Variants in MAGI1 observed in about 807,000 individuals in gnomAD.
MAGI1 encodes membrane-associated guanylate kinase, WW and PDZ domain-containing protein 1.
Under a neutral mutation model 139.9 loss-of-function variants are expected in MAGI1, and 58 were observed. The observed-to-expected ratio is 0.41, with a 90% CI of 0.34 to 0.52. The LOEUF (loss-of-function observed/expected upper bound fraction) is 0.52. MAGI1 is among the 20% of genes least tolerant of loss of function. MAGI1 has a pLI of 0.12. For synonymous variants in MAGI1, 812 were observed against 737.9 expected (o/e 1.10, Z -1.63); for missense variants, 1,874 against 1,901.6 (o/e 0.99, Z 0.27).
At chr3:65,555,885 G>A (rs1020215053) in intron 2 of MAGI1, among the ~76,000 whole-genome samples, 3 of 152,042 alleles carry the variant, frequency 2.0e-5, no homozygotes, top group East Asian at 1.9e-4. Flanking sequence ...AACCAAACAC[G>A]CTTGATACAG....
intron 2 of MAGI1, chr3:65,620,090 G>A: frequency 1.7e-6 from 1 of 574,842 alleles, no homozygotes; most frequent in Non-Finnish European, 2.2e-6. Context: ...ATAAATGGGA[G>A]AGCATGCCAA....
intron 1 of MAGI1, among the ~76,000 whole-genome samples, chr3:65,915,891 T>C (rs865782681): frequency 1.3e-5 from 2 of 152,004 alleles, no homozygotes; most frequent in African/African-American, 2.4e-5. Flanking sequence ...CTTTGATTTA[T>C]GTTGAAAAAG....
chr3:65,579,428 C>T (rs898496129), intron 2 of MAGI1, among the ~76,000 whole-genome samples: 1 of 152,214 alleles, frequency 6.6e-6, no homozygotes, highest in Non-Finnish European at 1.5e-5. Flanking sequence ...CTACCAGATA[C>T]ACCACACTAC....
At position 65,891,910 on chromosome 3, in the gene MAGI1, A is replaced by G. The variant is rs1227021292; in HGVS notation, c.313+146086T>C. On this transcript the variant is annotated intron_variant, in intron 1 of 22. Transcript: ENST00000402939. ...AATATATATATATATATATATATAT[A>G]TATATATATATATATATATATATAT... is the stretch of plus-strand genomic sequence containing the variant. Among the ~76,000 whole-genome samples the G allele has an allele frequency of 8.5e-5, 7 of 82,578 alleles. No individual in the cohort carries two copies. In the East Asian group the frequency reaches 1.6e-3, roughly 18 times the overall value. 54.2% of individuals were successfully genotyped at this position (82,578 alleles called of 152,430 possible). A position where few individuals can be genotyped will look rare whatever the true frequency, so the allele number is the denominator to read the frequency against.
In MAGI1 at chr3:66,038,209, C is replaced by G. The variant is rs1330277658; in HGVS notation, c.100G>C (p.Gly34Arg). Residue 34 changes from glycine to arginine, a missense_variant, in exon 1 of 23, where the codon GGA (glycine) becomes CGA (arginine). Coordinates refer to ENST00000402939, the MANE Select transcript of MAGI1 (RefSeq NM_001033057.2). ...PQGELGVTVL[G>R]GAEHGEFPYV... ...GGAAACTCCCCGTGCTCCGCGCCTC[C>G]CAGCACCGTCACCCCCAGCTCGCCC... 1 of 1,612,232 alleles carries G rather than the reference C, an allele frequency of 6.2e-7. No homozygotes were observed. The highest frequency in any genetic ancestry group is 8.5e-7 in the Non-Finnish European group (1 of 1,179,684).
intron 14 of MAGI1, among the ~76,000 whole-genome samples, chr3:65,388,066 A>G (rs1943592612): frequency 6.6e-6 from 1 of 152,232 alleles, no homozygotes; most frequent in Non-Finnish European, 1.5e-5. Context: ...AATTCTAGAG[A>G]AACCATAAAA....
At chr3:65,685,837 G>C (rs1327253473) in intron 1 of MAGI1, among the ~76,000 whole-genome samples, 2 of 152,292 alleles carry the variant, frequency 1.3e-5, no homozygotes, top group East Asian at 3.9e-4. Context: ...GAGAGAGACA[G>C]AAATTAAGCT....
In MAGI1 at chr3:66,038,512, AG is replaced by A. The variant is rs2069063121; in HGVS notation, c.-205del. ...AACAAACTTTCTGGGCTTCCCCGCG[AG>A]CCCCGCACAGGCGCCCGCGAGCTTT... is the stretch of plus-strand genomic sequence containing the variant. On this transcript the variant is annotated 5_prime_UTR_variant, in exon 1 of 23. It removes the in-frame stop codon of an upstream open reading frame in the 5' UTR. Coordinates refer to ENST00000402939, the MANE Select transcript of MAGI1 (RefSeq NM_001033057.2). 4.4e-6 allele frequency: 3 copies of A among 678,196 alleles called. No homozygotes were observed. Among genetic ancestry groups the A allele is most frequent in the Non-Finnish European group, 6.6e-6 (3 of 451,784 alleles). 42.0% of individuals were successfully genotyped at this position (678,196 alleles called of 1,614,324 possible). A position where few individuals can be genotyped will look rare whatever the true frequency, so the allele number is the denominator to read the frequency against.
chr3:65,939,518 T>C (rs563899713), intron 1 of MAGI1, among the ~76,000 whole-genome samples: 3 of 152,318 alleles, frequency 2.0e-5, no homozygotes, highest in Admixed American at 6.5e-5. Flanking sequence ...TATTGTCAAA[T>C]AGCCCTAACG....
intron 2 of MAGI1, among the ~76,000 whole-genome samples, chr3:65,568,489 G>C (rs2080786055): frequency 6.6e-6 from 1 of 152,140 alleles, no homozygotes; most frequent in African/African-American, 2.4e-5. Context: ...GTATGAGCAA[G>C]GAGCTCTCAC....
At chr3:65,774,662 A>G (rs2038222119) in intron 1 of MAGI1, among the ~76,000 whole-genome samples, 1 of 152,150 alleles carries the variant, frequency 6.6e-6, no homozygotes, top group Admixed American at 6.6e-5. Context: ...CTTGCCTAAG[A>G]GAAATGGCAT....
At chr3:65,795,394 G>A (rs2040060121) in intron 1 of MAGI1, among the ~76,000 whole-genome samples, 1 of 152,152 alleles carries the variant, frequency 6.6e-6, no homozygotes, top group Non-Finnish European at 1.5e-5. Context: ...TAACCTGGAT[G>A]ACGCCCTCAG....
intron 5 of MAGI1, among the ~76,000 whole-genome samples, chr3:65,468,806 C>T (rs1267373038): frequency 1.3e-5 from 2 of 151,836 alleles, no homozygotes; most frequent in East Asian, 3.9e-4. Context: ...CTTGGTGACT[C>T]ACACCTGTAA....
chr3:65,432,326 CAA>C, intron 10 of MAGI1, among the ~76,000 whole-genome samples: 1 of 151,956 alleles, frequency 6.6e-6, no homozygotes, highest in Non-Finnish European at 1.5e-5. Flanking sequence ...TTATCCAAAA[CAA>C]AAAGAGAGAG....
intron 2 of MAGI1, among the ~76,000 whole-genome samples, chr3:65,588,266 C>G (rs546891908): frequency 6.6e-6 from 1 of 152,184 alleles, no homozygotes; most frequent in Non-Finnish European, 1.5e-5. Context: ...ATAGAGATAG[C>G]AGCATGTTAT....
intron 1 of MAGI1, among the ~76,000 whole-genome samples, chr3:65,855,052 C>T (rs1179438487): frequency 6.6e-6 from 1 of 152,138 alleles, no homozygotes; most frequent in Admixed American, 6.5e-5. Flanking sequence ...GTGTGCCACA[C>T]CTGAAGCATA....
In MAGI1 at chr3:65,400,560, C is replaced by A. The variant is rs1446812251; in HGVS notation, c.2199+879G>T. Among the ~76,000 whole-genome samples, 3 of 152,148 alleles carry A rather than the reference C, an allele frequency of 2.0e-5. No homozygotes were observed. In the East Asian group the frequency reaches 5.8e-4, roughly 29 times the overall value. ...TAATGAATTGGGAAGCCCCTTCCACCCAGATCAATTTCACAGGCACTGGAG... is the reference window on the plus strand; with the variant it reads ...TAATGAATTGGGAAGCCCCTTCCACACAGATCAATTTCACAGGCACTGGAG... On this transcript the variant is annotated intron_variant, in intron 13 of 22. Transcript: ENST00000402939.
intron 12 of MAGI1, among the ~76,000 whole-genome samples, chr3:65,428,216 T>A (rs1477901367): frequency 6.6e-6 from 1 of 152,136 alleles, no homozygotes; most frequent in Non-Finnish European, 1.5e-5. Context: ...TGGTTCTTGA[T>A]CTCTTTTCAA....
chr3:65,593,925 C>G (rs906692114), intron 2 of MAGI1, among the ~76,000 whole-genome samples: 1 of 152,160 alleles, frequency 6.6e-6, no homozygotes, highest in African/African-American at 2.4e-5. Context: ...GTCAGATAAT[C>G]ATTTAAAAAT....
Sources: allele counts gnomAD v4.1 joint callset (sites outside exome capture counted in the v4.1 genomes callset), GRCh38; gene constraint gnomAD v4.1.1; transcripts MANE v1.5; gene names NCBI Gene and HGNC (gene_info 2026-07-23, HGNC 2026-07-21).